The following KIAA1671 variants were observed in gnomAD, a reference collection of about 807,000 sequenced individuals.
KIAA1671 encodes the protein uncharacterized protein KIAA1671.
A neutral mutation model predicts 131.2 loss-of-function variants in KIAA1671; 52 were observed. That is an observed-to-expected ratio of 0.40 (90% CI 0.32 to 0.50). The LOEUF (loss-of-function observed/expected upper bound fraction) is 0.50, where lower values mean the gene tolerates loss of function less well. Among genes scored for constraint, KIAA1671 ranks in the 20% least tolerant of loss-of-function variants. The pLI, the probability that KIAA1671 is intolerant of heterozygous loss-of-function variation, is 0.73. For missense variants in KIAA1671, 2,360 were observed against 2,364.2 expected (o/e 1.00, Z 0.04); for synonymous variants, 1,003 against 961.6 (o/e 1.04, Z -0.80).
chr22:25,122,740 C>T (rs544889696), intron 6 of KIAA1671, among the ~76,000 whole-genome samples: 22 of 152,178 alleles, frequency 1.4e-4, no homozygotes, highest in African/African-American at 5.1e-4. Context: ...TTTGGGAGGC[C>T]GAGGCGGGCC....
intron 1 of KIAA1671, among the ~76,000 whole-genome samples, chr22:24,974,686 T>A (rs1275695051): frequency 1.5e-5 from 1 of 65,678 alleles, no homozygotes; most frequent in South Asian, 6.9e-4. Flanking sequence ...AGCTCACCTC[T>A]TTTTTTTTTT....
chr22:24,962,333 C>T (rs61610163), intron 1 of KIAA1671, among the ~76,000 whole-genome samples: 1,694 of 152,248 alleles, frequency 0.011, 35 homozygotes, highest in African/African-American at 0.039. Context: ...TGCCCATTAA[C>T]GAGGACTGTG....
chr22:25,084,706 G>C (rs1929609879), intron 6 of KIAA1671, among the ~76,000 whole-genome samples: 1 of 152,210 alleles, frequency 6.6e-6, no homozygotes, highest in Non-Finnish European at 1.5e-5. Context: ...TGCCTGTCTG[G>C]AGTGTCAGCT....
chr22:25,166,068 A>G (rs1933637160), intron 6 of KIAA1671, among the ~76,000 whole-genome samples: 1 of 152,212 alleles, frequency 6.6e-6, no homozygotes, highest in Admixed American at 6.5e-5. Context: ...GGAAAGTAGA[A>G]TGAGAAGCAC....
chr22:24,960,399 A>T (rs57024272), intron 1 of KIAA1671, among the ~76,000 whole-genome samples: 4,927 of 151,400 alleles, frequency 0.033, 258 homozygotes, highest in African/African-American at 0.11. Flanking sequence ...TACAAAAATT[A>T]GCCAGGCATG....
chr22:24,985,748 ATGTG>A (rs59858869), intron 1 of KIAA1671, among the ~76,000 whole-genome samples: 25 of 138,350 alleles, frequency 1.8e-4, no homozygotes, highest in Admixed American at 6.5e-4. Context: ...GTGTGTGTGT[ATGTG>A]TGTGTGTGTG....
intron 1 of KIAA1671, chr22:25,011,368 C>G (rs968449758): frequency 6.6e-6 from 1 of 151,816 alleles, no homozygotes; most frequent in African/African-American, 2.4e-5. Flanking sequence ...AGGCTGGTTT[C>G]GAACTCCTGA....
At chr22:25,181,653 T>C in intron 9 of KIAA1671, 46 bp from the exon 10 acceptor site, 1 of 1,549,564 alleles carries the variant, frequency 6.5e-7, no homozygotes. Context: ...AGGACCTCAA[T>C]ACATGGCAGC....
At chr22:25,108,809 G>A (rs1931169960) in intron 6 of KIAA1671, among the ~76,000 whole-genome samples, 1 of 152,148 alleles carries the variant, frequency 6.6e-6, no homozygotes, top group Non-Finnish European at 1.5e-5. Flanking sequence ...GAGCAGTGTG[G>A]CTGAGTGACT....
At position 25,197,445 on chromosome 22, in the gene KIAA1671, A is replaced by G. The variant is rs1934862685; in HGVS notation, c.*5044A>G. On this transcript the variant is annotated 3_prime_UTR_variant, in exon 13 of 13. Coordinates refer to ENST00000358431, the MANE Select transcript of KIAA1671 (RefSeq NM_001145206.2). ...AAAGCTTTGGTGCAAGTTGCATTGGAGAAGTCGGTGCGTCCATGTGTGAAT... is the reference window on the plus strand; with the variant it reads ...AAAGCTTTGGTGCAAGTTGCATTGGGGAAGTCGGTGCGTCCATGTGTGAAT... 1 of 152,194 alleles carries G rather than the reference A, an allele frequency of 6.6e-6. No homozygotes were observed. The highest frequency in any genetic ancestry group is 2.4e-5 in the African/African-American group (1 of 41,444). The allele number at this position is 152,194 out of a possible 1,614,324, so 9.4% of individuals were successfully genotyped here.
chr22:25,139,471 C>G (rs1932774948), intron 6 of KIAA1671, among the ~76,000 whole-genome samples: 1 of 152,238 alleles, frequency 6.6e-6, no homozygotes, highest in African/African-American at 2.4e-5. Context: ...CGTGGCCTCT[C>G]TGAGCTTTAG....
intron 5 of KIAA1671, among the ~76,000 whole-genome samples, chr22:25,046,611 C>T (rs1202924570): frequency 6.6e-6 from 1 of 152,218 alleles, no homozygotes; most frequent in Non-Finnish European, 1.5e-5. Flanking sequence ...GCCATGCTTA[C>T]ATTTCTTCCA....
At position 25,171,640 on chromosome 22, in the gene KIAA1671, G is replaced by A. The variant is rs181339413; in HGVS notation, c.4649+702G>A. On this transcript the variant is annotated intron_variant, in intron 7 of 12. Transcript: ENST00000358431. Reference sequence around the variant, plus strand: ...TGAAGCACAAGAATCACTTGAACCCGGGAGGTGGAGGCTGCAGTAAGCCAA... The same window carrying A: ...TGAAGCACAAGAATCACTTGAACCCAGGAGGTGGAGGCTGCAGTAAGCCAA... Among the ~76,000 whole-genome samples the A allele has an allele frequency of 5.3e-3, 805 of 152,142 alleles. 10 individuals carry two copies. Among genetic ancestry groups the A allele is most frequent in the Non-Finnish European group, 6.7e-3 (459 of 68,004 alleles).
chr22:25,034,523 C>T (rs2145796836), intron 4 of KIAA1671, among the ~76,000 whole-genome samples: 1 of 151,972 alleles, frequency 6.6e-6, no homozygotes, highest in Middle Eastern at 3.4e-3. Flanking sequence ...CATGGTGTAG[C>T]ATGTATCAGT....
At chr22:24,991,929 G>C (rs916111848) in intron 1 of KIAA1671, among the ~76,000 whole-genome samples, 1 of 152,120 alleles carries the variant, frequency 6.6e-6, no homozygotes, top group Admixed American at 6.6e-5. Flanking sequence ...TATTTCCTCT[G>C]GTGTGGGGAG....
At chr22:25,117,585 C>CCCCA (rs1382744137) in intron 6 of KIAA1671, among the ~76,000 whole-genome samples, 8 of 123,896 alleles carry the variant, frequency 6.5e-5, no homozygotes, top group African/African-American at 1.3e-4. Flanking sequence ...TCTCCCCCAA[C>CCCCA]CACACACACA....
At chr22:25,101,378 C>T (rs997019963) in intron 6 of KIAA1671, among the ~76,000 whole-genome samples, 1 of 152,210 alleles carries the variant, frequency 6.6e-6, no homozygotes, top group Non-Finnish European at 1.5e-5. Flanking sequence ...ACATGGCAGA[C>T]TCTCCACAGC....
At chr22:24,975,567 CA>C (rs1922868683) in intron 1 of KIAA1671, among the ~76,000 whole-genome samples, 3 of 151,952 alleles carry the variant, frequency 2.0e-5, no homozygotes, top group Non-Finnish European at 4.4e-5. Context: ...AGCTGTGAGC[CA>C]CTGCGCCTGG....
At chr22:25,152,830 C>T (rs1422100922) in intron 6 of KIAA1671, among the ~76,000 whole-genome samples, 1 of 152,146 alleles carries the variant, frequency 6.6e-6, no homozygotes, top group East Asian at 1.9e-4. Context: ...GTCTCGAACT[C>T]CTGACCTCAG....
Sources: allele counts gnomAD v4.1 joint callset (sites outside exome capture counted in the v4.1 genomes callset), GRCh38; gene constraint gnomAD v4.1.1; transcripts MANE v1.5; gene names NCBI Gene and HGNC (gene_info 2026-07-23, HGNC 2026-07-21).